ANO2: variants seen among roughly 807,000 people sequenced by gnomAD.
ANO2 encodes anoctamin-2.
A neutral mutation model predicts 124.2 loss-of-function variants in ANO2; 101 were observed. The ratio of observed to expected loss-of-function variants is 0.81; its 90% CI spans 0.69 to 0.96. The LOEUF is 0.96. Ranked by LOEUF, ANO2 falls within the 40% of genes least tolerant of loss-of-function variation. The pLI is 0.00. For synonymous variants in ANO2, 486 were observed against 482.5 expected, an observed-to-expected ratio of 1.01 and a Z score of -0.09; for missense variants, 1,293 against 1,274.5, an observed-to-expected ratio of 1.01 and a Z score of -0.22.
intron 10 of ANO2, among the ~76,000 whole-genome samples, chr12:5,786,676 T>A (rs1952550036): frequency 1.3e-5 from 2 of 152,132 alleles, no homozygotes; most frequent in East Asian, 3.9e-4. Flanking sequence ...GATCATATTC[T>A]CCGCCTCCCC....
chr12:5,849,650 CT>C (rs1341295162), intron 4 of ANO2, among the ~76,000 whole-genome samples: 1 of 152,194 alleles, frequency 6.6e-6, no homozygotes, highest in Admixed American at 6.5e-5. Flanking sequence ...GTGCTCAGGA[CT>C]TGGAGTCCCT....
intron 16 of ANO2, among the ~76,000 whole-genome samples, chr12:5,634,596 G>A (rs181942442): frequency 5.3e-5 from 8 of 152,284 alleles, no homozygotes; most frequent in Admixed American, 5.2e-4. Flanking sequence ...GAATATTGAG[G>A]CCGTTGCATT....
At chr12:5,622,734 A>AG (rs1945174853) in intron 16 of ANO2, among the ~76,000 whole-genome samples, 1 of 152,006 alleles carries the variant, frequency 6.6e-6, no homozygotes, top group South Asian at 2.1e-4. Context: ...GAGGCTGAGG[A>AG]GGGCAGATCA....
At position 5,779,138 on chromosome 12, in the gene ANO2, A is replaced by G. The variant is rs1035758095; in HGVS notation, c.1055+20369T>C. Among the ~76,000 whole-genome samples, 116 of 152,192 alleles carry G rather than the reference A, an allele frequency of 7.6e-4. 1 individual carries two copies. Among genetic ancestry groups the G allele is most frequent in the Non-Finnish European group, 1.8e-4 (12 of 68,028 alleles). On this transcript the variant is annotated intron_variant, in intron 10 of 24. Coordinates refer to ENST00000682330, the MANE Select transcript of ANO2 (RefSeq NM_001364791.2). ...CAGGATTCTATACCTAAAATGTGAAACCTGATTGGTTGCTAATCTGATTAA... is the reference window on the plus strand; with the variant it reads ...CAGGATTCTATACCTAAAATGTGAAGCCTGATTGGTTGCTAATCTGATTAA...
At chr12:5,720,523 G>C (rs1950186405) in intron 14 of ANO2, among the ~76,000 whole-genome samples, 2 of 152,298 alleles carry the variant, frequency 1.3e-5, no homozygotes, top group South Asian at 4.1e-4. Flanking sequence ...ACCAAAAAAA[G>C]AAAAGTCCAA....
chr12:5,632,978 T>TGCCACGC lies in ANO2; in HGVS notation c.1816+2167_1816+2173dup, dbSNP rs543933051. ...GTAATTTTGCAGACAGCTCCCGTCA[T>TGCCACGC]GCCACGCTCTTAAAAAAAATCTTCA... On this transcript the variant is annotated intron_variant, in intron 16 of 24. Coordinates refer to ENST00000682330, the MANE Select transcript of ANO2 (RefSeq NM_001364791.2). 7.1e-4 allele frequency among the ~76,000 whole-genome samples: 108 copies of TGCCACGC among 152,280 alleles called. 1 individual carries two copies. The South Asian group carries it at 0.022, about 30-fold the overall frequency.
chr12:5,675,054 C>A (rs919911752), intron 14 of ANO2, among the ~76,000 whole-genome samples: 3 of 152,006 alleles, frequency 2.0e-5, no homozygotes. Context: ...GTTGTGTTCC[C>A]CAAACCTACA....
chr12:5,718,300 A>G (rs1335944361), intron 14 of ANO2, among the ~76,000 whole-genome samples: 1 of 152,154 alleles, frequency 6.6e-6, no homozygotes. Context: ...CTCCTCAAAG[A>G]CCCCACATGA....
chr12:5,711,107 GAGATCGC>G (rs1203163509), intron 14 of ANO2, among the ~76,000 whole-genome samples: 15 of 150,870 alleles, frequency 9.9e-5, no homozygotes, highest in African/African-American at 3.7e-4. Flanking sequence ...GCAGTGAGCA[GAGATCGC>G]GCCACTGTAC....
chr12:5,679,528 T>C (rs926985599), intron 14 of ANO2, among the ~76,000 whole-genome samples: 3 of 152,010 alleles, frequency 2.0e-5, no homozygotes, highest in Non-Finnish European at 2.9e-5. Context: ...CCAACAAATA[T>C]ATGAAAAAAG....
chr12:5,639,573 G>C (rs770636559), intron 15 of ANO2, among the ~76,000 whole-genome samples: 13 of 152,214 alleles, frequency 8.5e-5, no homozygotes, highest in Non-Finnish European at 1.6e-4. Context: ...GGTTGGGAAA[G>C]AGACAGCTGA....
At chr12:5,680,146 G>A (rs915293104) in intron 14 of ANO2, among the ~76,000 whole-genome samples, 1 of 152,194 alleles carries the variant, frequency 6.6e-6, no homozygotes, top group African/African-American at 2.4e-5. Flanking sequence ...TGGTGGTTAT[G>A]GTGGGAGGAA....
intron 14 of ANO2, among the ~76,000 whole-genome samples, chr12:5,655,604 A>G (rs1947116076): frequency 6.6e-6 from 1 of 152,192 alleles, no homozygotes; most frequent in Non-Finnish European, 1.5e-5. Context: ...AAGAGCCACC[A>G]TTTTTAAATT....
intron 12 of ANO2, among the ~76,000 whole-genome samples, chr12:5,741,695 T>G (rs1314449182): frequency 6.6e-6 from 1 of 152,238 alleles, no homozygotes; most frequent in Non-Finnish European, 1.5e-5. Context: ...TGCTCATCTG[T>G]GCCAGGCACT....
At chr12:5,607,613 GGTGA>G (rs1324192616) in intron 19 of ANO2, among the ~76,000 whole-genome samples, 2 of 152,118 alleles carry the variant, frequency 1.3e-5, no homozygotes. Context: ...GTGAGCAGCA[GGTGA>G]GTGAGTGAAG....
intron 4 of ANO2, among the ~76,000 whole-genome samples, chr12:5,843,276 G>A (rs1004223707): frequency 1.5e-4 from 23 of 152,288 alleles, no homozygotes; most frequent in Admixed American, 3.9e-4. Context: ...CAGGCCAGGC[G>A]CGGTGGCTCA....
At chr12:5,768,803 G>A (rs954446054) in intron 10 of ANO2, among the ~76,000 whole-genome samples, 2 of 152,164 alleles carry the variant, frequency 1.3e-5, no homozygotes, top group African/African-American at 2.4e-5. Flanking sequence ...AGCTGGGTAC[G>A]GGCCAGCAGA....
Position 5,921,262 on chromosome 12 carries a change from G to A in ANO2, c.312C>T (p.Ala104=), listed in dbSNP as rs1288713606. The A allele has an allele frequency of 2.5e-6, 4 of 1,613,880 alleles. No homozygotes were observed. Among genetic ancestry groups the A allele is most frequent in the Non-Finnish European group, 8.5e-7 (1 of 1,179,890 alleles). ...DSQRKVDYVL[A]YHYRKRGVHL... ...GCACCCCGCGTTTCCGGTAGTGGTA[G>A]GCAAGTACATAGTCGACCTTCCTCT... Residue 104 remains alanine, a synonymous_variant, in exon 3 of 25, where the codon GCC becomes GCT. Coordinates refer to ENST00000682330, the MANE Select transcript of ANO2 (RefSeq NM_001364791.2).
intron 23 of ANO2, among the ~76,000 whole-genome samples, chr12:5,567,006 AGAAGAGAAAAAGAG>A (rs543548865): frequency 1.1e-4 from 16 of 152,330 alleles, no homozygotes; most frequent in South Asian, 6.2e-4. Context: ...AGAGAAGAAG[AGAAGAGAAAAAGAG>A]GAAGAGAAAA....
Sources: gnomAD v4.1 joint callset for allele counts (sites outside exome capture counted in the v4.1 genomes callset) on GRCh38, gnomAD v4.1.1 for gene constraint, MANE v1.5 for transcripts, NCBI Gene and HGNC (gene_info 2026-07-23, HGNC 2026-07-21) for gene names.